The following DDX60L variants were observed in gnomAD, a reference collection of about 807,000 sequenced individuals.
The protein encoded by DDX60L is DExD/H-box 60 like.
In DDX60L, 191 loss-of-function variants were observed where a neutral mutation model predicts 211.6. The ratio of observed to expected loss-of-function variants is 0.90; its 90% CI spans 0.80 to 1.02. DDX60L has a LOEUF of 1.02. Ranked by LOEUF, DDX60L falls within the 50% of genes least tolerant of loss-of-function variation. The pLI is 0.00. For missense variants in DDX60L, 2,007 were observed against 1,984.1 expected (o/e 1.01, Z -0.22); for synonymous variants, 706 against 694.1 (o/e 1.02, Z -0.27).
At chr4:168,400,425 C>A (rs992418987) in intron 26 of DDX60L, among the ~76,000 whole-genome samples, 2 of 152,166 alleles carry the variant, frequency 1.3e-5, no homozygotes, top group African/African-American at 4.8e-5. Flanking sequence ...GTCTTTTGGT[C>A]TTTGAGGAAT....
intron 34 of DDX60L, among the ~76,000 whole-genome samples, chr4:168,374,627 G>T (rs547846075): frequency 3.3e-5 from 5 of 152,290 alleles, no homozygotes; most frequent in Non-Finnish European, 5.9e-5. Context: ...GAAGCCACTA[G>T]CACTGGAAAG....
chr4:168,421,148 A>G (rs985040520), intron 17 of DDX60L, among the ~76,000 whole-genome samples: 2 of 152,120 alleles, frequency 1.3e-5, no homozygotes, highest in African/African-American at 4.8e-5. Context: ...ATCATAGCAT[A>G]CCACTCCAAG....
intron 13 of DDX60L, 118 bp downstream of exon 13, chr4:168,430,360 A>C: frequency 1.1e-6 from 1 of 891,032 alleles, no homozygotes; most frequent in Non-Finnish European, 1.6e-6. Context: ...GAATGGACTA[A>C]GACAGTTAGC....
intron 19 of DDX60L, among the ~76,000 whole-genome samples, chr4:168,417,333 C>G (rs781422263): frequency 6.6e-6 from 1 of 152,190 alleles, no homozygotes; most frequent in Non-Finnish European, 1.5e-5. Flanking sequence ...GCCATGCACT[C>G]TGCTCCCAAC....
chr4:168,383,331 A>G (rs984537758), intron 30 of DDX60L, among the ~76,000 whole-genome samples: 1 of 152,248 alleles, frequency 6.6e-6, no homozygotes, highest in Admixed American at 6.5e-5. Flanking sequence ...AAATTAATAT[A>G]GAGAGTTCAT....
At chr4:168,365,626 G>A (rs2634937) in intron 36 of DDX60L, among the ~76,000 whole-genome samples, 105,960 of 151,668 alleles carry the variant, frequency 0.7, 38,854 homozygotes, top group East Asian at 0.85. Context: ...TCCTCTTCAA[G>A]CTATTAAGGG....
chr4:168,395,988 GTAGGGCTTTGACAT>G lies in DDX60L; in HGVS notation c.3614_3627del (p.Asp1205AlafsTer3). ...TCTTTATTCCTGGTAATTTCAGTGT[GTAGGGCTTTGACAT>G]CAGCATACGTGCAGTCCTCAGAAAT... On this transcript the variant is annotated frameshift_variant, in exon 27 of 38. Coordinates refer to ENST00000682922, the MANE Select transcript of DDX60L (RefSeq NM_001012967.3). LOFTEE classifies it high-confidence loss of function. The G allele has an allele frequency of 6.2e-7, 1 of 1,607,626 alleles. No individual in the cohort carries two copies. The highest frequency in any genetic ancestry group is 1.1e-5 in the South Asian group (1 of 89,926).
At chr4:168,478,759 CA>C in intron 1 of DDX60L, among the ~76,000 whole-genome samples, 1 of 152,294 alleles carries the variant, frequency 6.6e-6, no homozygotes, top group Non-Finnish European at 1.5e-5. Flanking sequence ...GTAGATAAAA[CA>C]AAAGACTGAT....
intron 36 of DDX60L, among the ~76,000 whole-genome samples, chr4:168,361,767 C>A (rs1739150078): frequency 6.6e-6 from 1 of 152,174 alleles, no homozygotes; most frequent in Non-Finnish European, 1.5e-5. Flanking sequence ...ATCACAGATG[C>A]CAGCAGTTCT....
At chr4:168,416,264 C>A (rs1445185651) in intron 20 of DDX60L, among the ~76,000 whole-genome samples, 1 of 152,136 alleles carries the variant, frequency 6.6e-6, no homozygotes, top group African/African-American at 2.4e-5. Flanking sequence ...TGGATAAGGA[C>A]AAAGAAAGGG....
chr4:168,467,750 G>A (rs564600074), intron 4 of DDX60L, among the ~76,000 whole-genome samples: 39 of 152,210 alleles, frequency 2.6e-4, no homozygotes, highest in Admixed American at 8.5e-4. Flanking sequence ...TATCAAATTC[G>A]TCTGAGGAAA....
intron 15 of DDX60L, 22 bp downstream of exon 15, chr4:168,423,586 T>C (rs1750994489): frequency 7.2e-7 from 1 of 1,393,128 alleles, no homozygotes; most frequent in Non-Finnish European, 9.6e-7. Context: ...ATTTAAAGTA[T>C]AAGAAATTCT....
chr4:168,460,220 T>C (rs1282466838), intron 5 of DDX60L, among the ~76,000 whole-genome samples: 2 of 152,250 alleles, frequency 1.3e-5, no homozygotes, highest in African/African-American at 2.4e-5. Context: ...ATTATTAATA[T>C]ATTTTTTGAC....
At chr4:168,455,340 T>C (rs1167643052) in intron 7 of DDX60L, among the ~76,000 whole-genome samples, 1 of 148,534 alleles carries the variant, frequency 6.7e-6, no homozygotes, top group Non-Finnish European at 1.5e-5. Flanking sequence ...GAGCGGAAAA[T>C]CCATGTTCCT....
intron 5 of DDX60L, among the ~76,000 whole-genome samples, chr4:168,459,774 G>GGGAAGGAAGGAAGGACGGAAGGAAGGAA (rs1757060519): frequency 1.8e-5 from 1 of 56,918 alleles, no homozygotes; most frequent in Non-Finnish European, 3.4e-5. Context: ...GAAGGAAGGA[G>GGGAAGGAAGGAAGGACGGAAGGAAGGAA]GGAAGGAAGG....
At chr4:168,471,639 A>T in intron 4 of DDX60L, 108 bp downstream of exon 4, 1 of 866,764 alleles carries the variant, frequency 1.2e-6, no homozygotes, top group Non-Finnish European at 1.7e-6. Context: ...CTGTCTTTTT[A>T]TATTTTCTAT....
At chr4:168,426,349 A>G (rs566844730) in intron 14 of DDX60L, among the ~76,000 whole-genome samples, 1 of 152,342 alleles carries the variant, frequency 6.6e-6, no homozygotes, top group East Asian at 1.9e-4. Flanking sequence ...CATCATGTAT[A>G]TGTCGGTTCC....
intron 7 of DDX60L, among the ~76,000 whole-genome samples, chr4:168,455,714 T>C (rs1030627630): frequency 1.3e-5 from 2 of 152,164 alleles, no homozygotes; most frequent in East Asian, 3.8e-4. Flanking sequence ...TCCTCCTCAC[T>C]TTCTCTGTTT....
chr4:168,416,857 A>G, intron 19 of DDX60L, 60 bp from the exon 20 acceptor site: 1 of 953,304 alleles, frequency 1.0e-6, no homozygotes, highest in Non-Finnish European at 1.6e-6. Context: ...TAAAAAATAG[A>G]AGCATAAAAT....
Sources: gnomAD v4.1 joint callset for allele counts (sites outside exome capture counted in the v4.1 genomes callset) on GRCh38, gnomAD v4.1.1 for gene constraint, MANE v1.5 for transcripts, NCBI Gene and HGNC (gene_info 2026-07-23, HGNC 2026-07-21) for gene names.